Variants in TNR observed in about 807,000 individuals in gnomAD.
TNR encodes tenascin-R.
Under a neutral mutation model 150.4 loss-of-function variants are expected in TNR, and 45 were observed. The observed-to-expected ratio is 0.30, with a 90% CI of 0.24 to 0.38. The LOEUF (loss-of-function observed/expected upper bound fraction) is 0.38. Among genes scored for constraint, TNR ranks in the 10% least tolerant of loss-of-function variants. The probability of loss-of-function intolerance (pLI) is 1.00; values close to 1 mark genes in which losing one functional copy is unlikely to be tolerated. For missense variants in TNR, 1,544 were observed against 1,759.1 expected, an observed-to-expected ratio of 0.88 and a Z score of 2.19; for synonymous variants, 687 against 678.4, an observed-to-expected ratio of 1.01 and a Z score of -0.20.
At chr1:175,593,884 T>C (rs191437157) in intron 1 of TNR, among the ~76,000 whole-genome samples, 1 of 152,208 alleles carries the variant, frequency 6.6e-6, no homozygotes, top group Non-Finnish European at 1.5e-5. Context: ...ATATTTCACA[T>C]TGATGACTTC....
chr1:175,632,373 C>T (rs1401210673), intron 1 of TNR, among the ~76,000 whole-genome samples: 1 of 152,210 alleles, frequency 6.6e-6, no homozygotes, highest in African/African-American at 2.4e-5. Context: ...AAGTGGAACA[C>T]CCAGGCTCTC....
At chr1:175,635,303 CA>C (rs58857972) in intron 1 of TNR, among the ~76,000 whole-genome samples, 3 of 152,170 alleles carry the variant, frequency 2.0e-5, no homozygotes, top group African/African-American at 7.2e-5. Context: ...TGTGTGCAAA[CA>C]AAAGGTCTCT....
At chr1:175,659,772 G>A (rs1172407946) in intron 1 of TNR, among the ~76,000 whole-genome samples, 1 of 152,184 alleles carries the variant, frequency 6.6e-6, no homozygotes, top group East Asian at 1.9e-4. Context: ...AGAGACCACA[G>A]CTGCAAAGCC....
chr1:175,330,345 T>C (rs1268175252), intron 20 of TNR, 110 bp from the exon 21 acceptor site: 84 of 1,163,716 alleles, frequency 7.2e-5, no homozygotes, highest in Admixed American at 2.1e-4. Context: ...AGGAGGGGAC[T>C]CCAGATTGCT....
chr1:175,472,182 G>A (rs1657319582), intron 2 of TNR, among the ~76,000 whole-genome samples: 1 of 152,066 alleles, frequency 6.6e-6, no homozygotes. Context: ...ATTAGCCTAT[G>A]TCTATACAGG....
Position 175,696,226 on chromosome 1 carries a change from T to TTTGTTGTTGTTG in TNR, c.-165+46999_-165+47000insCAACAACAACAA, listed in dbSNP as rs1268149781. ...AATGAGCCTTCCTGTAGTTTTTTTTTTTTTTTTTTTTTTTTTTTCCAAAAT... is the reference window on the plus strand; with the variant it reads ...AATGAGCCTTCCTGTAGTTTTTTTTTTTGTTGTTGTTGTTTTTTTTTTTTTTTTTTCCAAAAT... On this transcript the variant is annotated intron_variant, in intron 1 of 22. Transcript: ENST00000367674. 1.7e-3 allele frequency among the ~76,000 whole-genome samples: 236 copies of TTTGTTGTTGTTG among 136,410 alleles called. 4 individuals carry two copies. The highest frequency in any genetic ancestry group is 5.1e-3 in the African/African-American group (166 of 32,530). 89.5% of individuals were successfully genotyped at this position (136,410 alleles called of 152,430 possible).
At chr1:175,489,500 A>G (rs2102137359) in intron 2 of TNR, among the ~76,000 whole-genome samples, 1 of 152,328 alleles carries the variant, frequency 6.6e-6, no homozygotes, top group Admixed American at 6.5e-5. Flanking sequence ...GATTTCCTTC[A>G]GAAGGGCTAA....
chr1:175,367,335 TG>T (rs755665213), intron 9 of TNR, 38 bp from the exon 10 acceptor site: 2 of 1,576,960 alleles, frequency 1.3e-6, no homozygotes, highest in Non-Finnish European at 1.7e-6. Context: ...ATTCTGTGTA[TG>T]GGGCAGGGCT....
intron 4 of TNR, among the ~76,000 whole-genome samples, chr1:175,398,530 A>T (rs1653545649): frequency 6.6e-6 from 1 of 152,206 alleles, no homozygotes; most frequent in Non-Finnish European, 1.5e-5. Flanking sequence ...CATGAGAAGA[A>T]GAGTTGATAT....
intron 1 of TNR, among the ~76,000 whole-genome samples, chr1:175,736,676 G>A (rs1667781872): frequency 1.3e-5 from 2 of 152,098 alleles, no homozygotes; most frequent in South Asian, 2.1e-4. Context: ...CTGTGTACAT[G>A]TGGCCCAGAG....
intron 2 of TNR, among the ~76,000 whole-genome samples, chr1:175,423,020 G>A (rs978322198): frequency 2.0e-5 from 3 of 152,164 alleles, no homozygotes; most frequent in Admixed American, 6.5e-5. Flanking sequence ...TCTGTCTCTC[G>A]TGCCACTTCC....
At chr1:175,496,092 A>C (rs1364598543) in intron 2 of TNR, among the ~76,000 whole-genome samples, 1 of 152,212 alleles carries the variant, frequency 6.6e-6, no homozygotes, top group African/African-American at 2.4e-5. Flanking sequence ...GTTTCTCTAT[A>C]TAGAGAAATT....
chr1:175,715,281 G>C (rs1171814810), intron 1 of TNR, among the ~76,000 whole-genome samples: 1 of 152,092 alleles, frequency 6.6e-6, no homozygotes, highest in Non-Finnish European at 1.5e-5. Flanking sequence ...CACCTAGAAG[G>C]GTTTCTTTAG....
At chr1:175,501,129 G>C (rs554538957) in intron 2 of TNR, among the ~76,000 whole-genome samples, 1 of 152,280 alleles carries the variant, frequency 6.6e-6, no homozygotes, top group African/African-American at 2.4e-5. Context: ...CTAATTAGCT[G>C]ACCCGAGTTA....
chr1:175,690,003 A>G (rs899608656), intron 1 of TNR, among the ~76,000 whole-genome samples: 2 of 152,216 alleles, frequency 1.3e-5, no homozygotes, highest in Non-Finnish European at 2.9e-5. Context: ...GGATAATGGT[A>G]CTGCTATTTA....
At chr1:175,654,402 G>A (rs907355771) in intron 1 of TNR, among the ~76,000 whole-genome samples, 4 of 152,148 alleles carry the variant, frequency 2.6e-5, no homozygotes, top group African/African-American at 7.2e-5. Flanking sequence ...GGATTTTGTG[G>A]TCTATATAAA....
At chr1:175,547,362 C>A (rs544879411) in intron 1 of TNR, among the ~76,000 whole-genome samples, 2 of 152,198 alleles carry the variant, frequency 1.3e-5, no homozygotes, top group Admixed American at 6.5e-5. Context: ...CCCTTCCCCA[C>A]AACTTTGAGC....
chr1:175,507,957 T>C (rs1443527204), intron 2 of TNR, among the ~76,000 whole-genome samples: 1 of 152,234 alleles, frequency 6.6e-6, no homozygotes, highest in African/African-American at 2.4e-5. Flanking sequence ...GTTTTTGCTA[T>C]AGGAATAACC....
chr1:175,553,188 A>G (rs1446672027), intron 1 of TNR, among the ~76,000 whole-genome samples: 1 of 152,222 alleles, frequency 6.6e-6, no homozygotes, highest in Non-Finnish European at 1.5e-5. Context: ...ATGAGATGGG[A>G]AAAGTGGTGG....
Sources: allele counts gnomAD v4.1 joint callset (sites outside exome capture counted in the v4.1 genomes callset), GRCh38; gene constraint gnomAD v4.1.1; transcripts MANE v1.5; gene names NCBI Gene and HGNC (gene_info 2026-07-23, HGNC 2026-07-21).